EIF5B: variants seen among roughly 807,000 people sequenced by gnomAD.
EIF5B encodes eukaryotic translation initiation factor 5B.
Under a neutral mutation model 147.5 loss-of-function variants are expected in EIF5B, and 47 were observed. That is an observed-to-expected ratio of 0.32 (90% CI 0.25 to 0.41). The LOEUF (loss-of-function observed/expected upper bound fraction) is 0.41. Among genes scored for constraint, EIF5B ranks in the 10% least tolerant of loss-of-function variants. EIF5B has a pLI of 1.00. For synonymous variants in EIF5B, 455 were observed against 456.2 expected, an observed-to-expected ratio of 1.00 and a Z score of 0.03; for missense variants, 1,064 against 1,413.2, an observed-to-expected ratio of 0.75 and a Z score of 3.96.
intron 14 of EIF5B, among the ~76,000 whole-genome samples, chr2:99,383,207 A>G (rs888846247): frequency 5.3e-5 from 8 of 152,108 alleles, no homozygotes; most frequent in Non-Finnish European, 1.0e-4. Context: ...TTAATTTGCA[A>G]TATTTCAAAC....
intron 7 of EIF5B, among the ~76,000 whole-genome samples, 199 bp from the exon 8 acceptor site, chr2:99,369,193 G>A (rs1321515765): frequency 2.0e-5 from 3 of 152,224 alleles, no homozygotes; most frequent in Non-Finnish European, 2.9e-5. Flanking sequence ...AGAATTGCTT[G>A]AACCCGGGAG....
chr2:99,369,459 GA>G lies in EIF5B; in HGVS notation c.1456del (p.Thr486HisfsTer33), dbSNP rs1274261202. The G allele has an allele frequency of 1.9e-6, 3 of 1,610,190 alleles. No individual in the cohort carries two copies. Among genetic ancestry groups the G allele is most frequent in the Non-Finnish European group, 2.5e-6 (3 of 1,177,350 alleles). ...MEQGVPEKEE[T>X]PPPVEPEEEE... is the part of the protein sequence containing the mutation. The stretch of plus-strand genomic sequence containing the variant: ...AACAAGGAGTACCAGAAAAGGAAGA[GA>G]CACCACCTCCTGTTGAACCAGGCGG... On this transcript the variant is annotated frameshift_variant, in exon 8 of 24. Coordinates refer to ENST00000289371, the MANE Select transcript of EIF5B (RefSeq NM_015904.4). LOFTEE classifies it high-confidence loss of function.
intron 3 of EIF5B, 29 bp downstream of exon 3, chr2:99,360,578 G>C (rs759128069): frequency 3.1e-6 from 5 of 1,595,272 alleles, no homozygotes; most frequent in Middle Eastern, 1.7e-4. Context: ...TTACCTATTC[G>C]TATTTCGTAT....
intron 6 of EIF5B, among the ~76,000 whole-genome samples, chr2:99,367,707 G>A (rs1381192222): frequency 2.6e-5 from 4 of 152,102 alleles, no homozygotes; most frequent in East Asian, 1.9e-4. Context: ...CACCCACCTC[G>A]GCTTCCCAAA....
chr2:99,397,600 C>G (rs1055254978), intron 22 of EIF5B: 5 of 152,384 alleles, frequency 3.3e-5, no homozygotes, highest in Admixed American at 6.5e-5. Flanking sequence ...GACACTCATG[C>G]AGTTTCCCTG....
At chr2:99,351,717 A>C (rs1673969751) in intron 1 of EIF5B, among the ~76,000 whole-genome samples, 1 of 151,540 alleles carries the variant, frequency 6.6e-6, no homozygotes, top group Admixed American at 6.6e-5. Flanking sequence ...TTTGTTTTTG[A>C]GACGAAGTCT....
rs748434880 is a variant in EIF5B, at chr2:99,382,177, C to T, written c.2080C>T (p.Arg694Trp). 142 of 1,612,484 alleles carry T rather than the reference C, an allele frequency of 8.8e-5. No homozygotes were observed. Among genetic ancestry groups the T allele is most frequent in the Non-Finnish European group, 1.1e-4 (125 of 1,179,124 alleles). The change falls in exon 13 of 24, where the codon CGG becomes TGG. Residue 694 changes from arginine (R) to tryptophan (W), a missense_variant. Arg to Trp is a moderately radical substitution (Grantham distance 101, BLOSUM62 -3). Transcript: ENST00000289371. ...MIKNFDRENV[R>W]IPGMLIIDTP... ...TTTCTAGTTTGATAGAGAGAATGTA[C>T]GGATTCCAGGAATGCTAATTATTGA...
At chr2:99,340,765 G>T (rs554967368) in intron 1 of EIF5B, 2 of 151,794 alleles carry the variant, frequency 1.3e-5, no homozygotes, top group African/African-American at 4.8e-5. Flanking sequence ...TCCAGTTTGT[G>T]AAAAATCTTC....
chr2:99,354,697 G>A (rs1414968093), intron 1 of EIF5B, among the ~76,000 whole-genome samples: 4 of 151,802 alleles, frequency 2.6e-5, no homozygotes, highest in Non-Finnish European at 4.4e-5. Flanking sequence ...CTGAGGGTGA[G>A]GTTCATTTTT....
At chr2:99,341,167 A>G (rs2094258646) in intron 1 of EIF5B, among the ~76,000 whole-genome samples, 1 of 152,268 alleles carries the variant, frequency 6.6e-6, no homozygotes, top group African/African-American at 2.4e-5. Context: ...GACAAAGGCT[A>G]GGATTCAATA....
At chr2:99,355,645 TTCTGTCG>T (rs1478160924) in intron 1 of EIF5B, among the ~76,000 whole-genome samples, 1 of 142,632 alleles carries the variant, frequency 7.0e-6, no homozygotes, top group Non-Finnish European at 1.5e-5. Flanking sequence ...CAGAGTCTCA[TTCTGTCG>T]CCCAGGCTGG....
At chr2:99,363,929 T>G in intron 5 of EIF5B, 67 bp downstream of exon 5, 5 of 1,464,610 alleles carry the variant, frequency 3.4e-6, no homozygotes, top group Non-Finnish European at 4.6e-6. Flanking sequence ...CTGTAAAATA[T>G]CTTTACTCTT....
intron 10 of EIF5B, among the ~76,000 whole-genome samples, chr2:99,378,249 G>A (rs955190811): frequency 2.0e-5 from 3 of 152,186 alleles, no homozygotes; most frequent in African/African-American, 7.2e-5. Context: ...TTTTGTAAAT[G>A]ACATTACTTC....
chr2:99,357,715 C>T (rs1441835159), intron 1 of EIF5B, among the ~76,000 whole-genome samples: 1 of 152,126 alleles, frequency 6.6e-6, no homozygotes, highest in Non-Finnish European at 1.5e-5. Context: ...CAAACTTCAG[C>T]CTTCTCTTCT....
chr2:99,389,654 A>G, intron 14 of EIF5B, 64 bp from the exon 15 acceptor site: 2 of 1,483,162 alleles, frequency 1.3e-6, no homozygotes, highest in Non-Finnish European at 1.8e-6. Context: ...TTCTGGAGCT[A>G]TTAATACAGT....
At chr2:99,382,034 T>C (rs966184355) in intron 12 of EIF5B, 125 bp from the exon 13 acceptor site, 3 of 688,828 alleles carry the variant, frequency 4.4e-6, no homozygotes, top group Non-Finnish European at 7.3e-6. Context: ...TCACTGTTTC[T>C]AAAGCCATTT....
intron 1 of EIF5B, among the ~76,000 whole-genome samples, chr2:99,356,145 C>A (rs534431952): frequency 4.6e-5 from 7 of 152,148 alleles, no homozygotes; most frequent in Admixed American, 3.3e-4. Flanking sequence ...ATACAGGATA[C>A]CACATTACAT....
chr2:99,361,549 T>A lies in EIF5B; in HGVS notation c.648T>A (p.Asn216Lys), dbSNP rs780105183. 6.2e-7 allele frequency: 1 copy of A among 1,613,426 alleles called. No homozygotes were observed. Among genetic ancestry groups the A allele is most frequent in the Non-Finnish European group, 8.5e-7 (1 of 1,179,902 alleles). ...NKPGPNIESG[N>K]EDDDASFKIK... ...CAGGTCCTAACATAGAAAGTGGGAA[T>A]GAAGATGATGACGCCTCCTTCAAAA... The change falls in exon 4 of 24, where the codon AAT (asparagine) becomes AAA (lysine). Residue 216 changes from asparagine to lysine, a missense_variant. Transcript: ENST00000289371.
At chr2:99,392,699 T>TTA (rs1674962769) in intron 17 of EIF5B, among the ~76,000 whole-genome samples, 1 of 152,338 alleles carries the variant, frequency 6.6e-6, no homozygotes, top group South Asian at 2.1e-4. Flanking sequence ...TCTTACAGAT[T>TTA]TATATGCGCT....
Sources: allele counts gnomAD v4.1 joint callset (sites outside exome capture counted in the v4.1 genomes callset), GRCh38; gene constraint gnomAD v4.1.1; transcripts MANE v1.5; gene names NCBI Gene and HGNC (gene_info 2026-07-23, HGNC 2026-07-21).